EXOC4: variants seen among roughly 807,000 people sequenced by gnomAD.
EXOC4 encodes the protein exocyst complex component 4, also known as SEC8-like 1.
A neutral mutation model predicts 107.2 loss-of-function variants in EXOC4; 71 were observed. The observed-to-expected ratio is 0.66, with a 90% CI of 0.55 to 0.81. The LOEUF is 0.81. EXOC4 is among the 30% of genes least tolerant of loss of function. The pLI, the probability that EXOC4 is intolerant of heterozygous loss-of-function variation, is 0.00. For missense variants in EXOC4, 1,108 were observed against 1,189.6 expected, an observed-to-expected ratio of 0.93 and a Z score of 1.01; for synonymous variants, 456 against 441.2, an observed-to-expected ratio of 1.03 and a Z score of -0.42.
At chr7:133,484,908 C>G (rs1043491165) in intron 9 of EXOC4, among the ~76,000 whole-genome samples, 42 of 151,038 alleles carry the variant, frequency 2.8e-4, no homozygotes, top group Non-Finnish European at 4.6e-4. Context: ...GGTGAAACCC[C>G]CTCTCTACTA....
chr7:134,068,587 T>C (rs543976822), downstream of EXOC4, among the ~76,000 whole-genome samples: 8 of 152,312 alleles, frequency 5.3e-5, no homozygotes, highest in East Asian at 1.5e-3. Context: ...TGGACTAATA[T>C]AGGGGCTGTA....
At chr7:133,613,926 G>A (rs1311915696) in intron 9 of EXOC4, among the ~76,000 whole-genome samples, 1 of 152,138 alleles carries the variant, frequency 6.6e-6, no homozygotes, top group Non-Finnish European at 1.5e-5. Flanking sequence ...GGAAGGTGAA[G>A]GATGTAAAGC....
chr7:133,927,863 T>C (rs1007857083), intron 13 of EXOC4, among the ~76,000 whole-genome samples: 1 of 152,194 alleles, frequency 6.6e-6, no homozygotes, highest in Non-Finnish European at 1.5e-5. Context: ...AACTGGAGAC[T>C]CAGCTGCAAA....
intron 4 of EXOC4, among the ~76,000 whole-genome samples, chr7:133,309,361 G>T (rs1453120326): frequency 6.6e-6 from 1 of 152,170 alleles, no homozygotes; most frequent in Non-Finnish European, 1.5e-5. Flanking sequence ...GAGAAGAGTT[G>T]GGACCAAAGA....
chr7:133,562,167 C>T (rs1318345689), intron 9 of EXOC4, among the ~76,000 whole-genome samples: 1 of 152,184 alleles, frequency 6.6e-6, no homozygotes, highest in Non-Finnish European at 1.5e-5. Flanking sequence ...GAACTTGTTG[C>T]ATTTCTGCTT....
intron 11 of EXOC4, among the ~76,000 whole-genome samples, chr7:133,837,268 C>A (rs1187403949): frequency 6.6e-6 from 1 of 152,166 alleles, no homozygotes; most frequent in Non-Finnish European, 1.5e-5. Context: ...CTCCTACTAA[C>A]TTGTGACATG....
intron 10 of EXOC4, among the ~76,000 whole-genome samples, chr7:133,789,210 G>C (rs1384686346): frequency 3.9e-5 from 6 of 152,168 alleles, no homozygotes; most frequent in Non-Finnish European, 7.3e-5. Flanking sequence ...CTAGGGGCCA[G>C]AGCATTTTCT....
chr7:133,539,583 G>C (rs915626292), intron 9 of EXOC4, among the ~76,000 whole-genome samples: 10 of 151,488 alleles, frequency 6.6e-5, no homozygotes, highest in Non-Finnish European at 1.5e-4. Flanking sequence ...GAATAGGAAA[G>C]TCTGTGGGGT....
At chr7:133,370,038 CA>C (rs1199649743) in intron 6 of EXOC4, among the ~76,000 whole-genome samples, 2 of 152,052 alleles carry the variant, frequency 1.3e-5, no homozygotes, top group African/African-American at 4.8e-5. Flanking sequence ...GGTGATCCGC[CA>C]CCTCGGCCTC....
At chr7:133,838,218 G>A (rs954772051) in intron 11 of EXOC4, among the ~76,000 whole-genome samples, 2 of 152,156 alleles carry the variant, frequency 1.3e-5, no homozygotes, top group East Asian at 1.9e-4. Flanking sequence ...TTTTGTACTA[G>A]AGAGAATGAT....
At chr7:133,990,664 C>T (rs746301258) in intron 14 of EXOC4, among the ~76,000 whole-genome samples, 35 of 152,176 alleles carry the variant, frequency 2.3e-4, no homozygotes, top group East Asian at 5.8e-4. Flanking sequence ...GCATGTTGGC[C>T]GGGCTGGTCT....
intron 14 of EXOC4, among the ~76,000 whole-genome samples, chr7:133,975,973 C>G (rs1012898727): frequency 5.3e-5 from 8 of 152,138 alleles, no homozygotes; most frequent in Non-Finnish European, 1.2e-4. Context: ...ATTCAGAGAA[C>G]TCTCTGATGA....
chr7:133,565,243 G>A (rs890990409), intron 9 of EXOC4, among the ~76,000 whole-genome samples: 2 of 152,176 alleles, frequency 1.3e-5, no homozygotes, highest in African/African-American at 2.4e-5. Flanking sequence ...GCTCTCCGAA[G>A]CATGCTGAAT....
intron 9 of EXOC4, among the ~76,000 whole-genome samples, chr7:133,613,590 A>G (rs750268790): frequency 1.8e-4 from 27 of 151,874 alleles, no homozygotes; most frequent in Admixed American, 6.6e-4. Flanking sequence ...AAGCAGGGGA[A>G]AGTCATGACA....
At chr7:133,536,782 C>T (rs1039293010) in intron 9 of EXOC4, among the ~76,000 whole-genome samples, 2 of 151,874 alleles carry the variant, frequency 1.3e-5, no homozygotes, top group Non-Finnish European at 2.9e-5. Context: ...TCCTAAGGTC[C>T]CCTCCTGGTC....
chr7:133,809,506 G>C (rs1045417240), intron 10 of EXOC4, among the ~76,000 whole-genome samples: 1 of 152,198 alleles, frequency 6.6e-6, no homozygotes, highest in African/African-American at 2.4e-5. Context: ...GAGCTTCTCA[G>C]TAAGGATGGT....
chr7:133,814,694 C>T (rs1405692023), intron 10 of EXOC4, among the ~76,000 whole-genome samples: 1 of 152,126 alleles, frequency 6.6e-6, no homozygotes, highest in Non-Finnish European at 1.5e-5. Context: ...AGTGTGTTTT[C>T]AAACTTTTGG....
chr7:133,707,798 T>G (rs1237391009), intron 10 of EXOC4, among the ~76,000 whole-genome samples: 1 of 152,074 alleles, frequency 6.6e-6, no homozygotes, highest in Non-Finnish European at 1.5e-5. Context: ...GTATTTTTAG[T>G]AGAGACGGAG....
chr7:133,527,115 T>C (rs1190404110), intron 9 of EXOC4, among the ~76,000 whole-genome samples: 3 of 152,054 alleles, frequency 2.0e-5, no homozygotes, highest in African/African-American at 7.2e-5. Context: ...TAAAATAATA[T>C]GTATTTAGCT....
Sources: gnomAD v4.1 joint callset for allele counts (sites outside exome capture counted in the v4.1 genomes callset) on GRCh38, gnomAD v4.1.1 for gene constraint, MANE v1.5 for transcripts, NCBI Gene and HGNC (gene_info 2026-07-23, HGNC 2026-07-21) for gene names.